The following AXDND1 variants were observed in gnomAD, a reference collection of about 807,000 sequenced individuals.
AXDND1 encodes axonemal dynein light chain domain-containing protein 1.
In AXDND1, 110 loss-of-function variants were observed where a neutral mutation model predicts 137.5. That is an observed-to-expected ratio of 0.80 (90% confidence interval 0.69 to 0.94). The LOEUF is 0.94. Ranked by LOEUF, AXDND1 falls within the 40% of genes least tolerant of loss-of-function variation. AXDND1 has a pLI of 0.00. For missense variants in AXDND1, 1,191 were observed against 1,169.8 expected (o/e 1.02, Z -0.26); for synonymous variants, 414 against 399.7 (o/e 1.04, Z -0.43).
chr1:179,551,262 T>G (rs1488772348), intron 25 of AXDND1: 7 of 1,614,114 alleles, frequency 4.3e-6, no homozygotes, highest in Non-Finnish European at 5.9e-6. Flanking sequence ...TGAGTTCTGT[T>G]GCTGGGAGAA....
rs2125039852 is a variant in AXDND1 at position 179,368,985 on chromosome 1, A to G, written c.270+13A>G. 3.2e-6 allele frequency: 5 copies of G among 1,585,646 alleles called. No individual in the cohort carries two copies. Among genetic ancestry groups the G allele is most frequent in the Non-Finnish European group, 4.3e-6 (5 of 1,160,738 alleles). Reference sequence around the variant, plus strand: ...TAAAACCCCAAAGGTTTGTATGTACATATGTAGAGTAATGGGGAACATTAT... The same window carrying G: ...TAAAACCCCAAAGGTTTGTATGTACGTATGTAGAGTAATGGGGAACATTAT... On this transcript the variant is annotated intron_variant, in intron 3 of 25. Transcript: ENST00000367618.
intron 24 of AXDND1, 23 bp from the exon 25 acceptor site, chr1:179,534,707 T>G (rs770480548): frequency 6.4e-7 from 1 of 1,554,708 alleles, no homozygotes. Context: ...TTCTATTTTG[T>G]TGTGTCTTCT....
chr1:179,419,079 C>T (rs1378994760), intron 12 of AXDND1, among the ~76,000 whole-genome samples: 5 of 151,652 alleles, frequency 3.3e-5, no homozygotes, highest in African/African-American at 1.2e-4. Context: ...AAGAGGCCCC[C>T]CTCACTTCCT....
chr1:179,366,552 T>A lies in AXDND1; in HGVS notation c.43T>A (p.Ser15Thr), dbSNP rs758831558. The A allele has an allele frequency of 1.2e-6, 2 of 1,613,618 alleles. No individual in the cohort carries two copies. The highest frequency in any genetic ancestry group is 2.7e-5 in the African/African-American group (2 of 74,860). Residue 15 changes from serine to threonine, a missense_variant, in exon 2 of 26, where the codon TCA becomes ACA. Coordinates refer to ENST00000367618, the MANE Select transcript of AXDND1 (RefSeq NM_144696.6). The part of the protein sequence containing the change: ...KTPSTPLNST[S>T]TSESKKLKVS... ...GCCCTCCACCCCGCTAAACTCTACATCAACATCTGAGAGCAAAAAGTTAAA... is the reference window on the plus strand; with the variant it reads ...GCCCTCCACCCCGCTAAACTCTACAACAACATCTGAGAGCAAAAAGTTAAA...
In AXDND1 at chr1:179,395,095, C is replaced by T; in HGVS notation, c.1005-3C>T. On this transcript the variant is annotated splice_polypyrimidine_tract_variant and splice_region_variant and intron_variant, in intron 10 of 25. Coordinates refer to ENST00000367618, the MANE Select transcript of AXDND1 (RefSeq NM_144696.6). ...AATTAAAAATTTCTTTGCTTTATTT[C>T]AGGGAACTGTGTCTAGTTCGGGCAC... is the stretch of plus-strand genomic sequence containing the variant. 1 of 1,590,710 alleles carries T rather than the reference C, an allele frequency of 6.3e-7. No homozygotes were observed. Among genetic ancestry groups the T allele is most frequent in the Non-Finnish European group, 8.5e-7 (1 of 1,172,846 alleles).
intron 18 of AXDND1, among the ~76,000 whole-genome samples, chr1:179,485,235 A>G (rs12134114): frequency 0.14 from 21,005 of 152,186 alleles, 1,597 homozygotes; most frequent in East Asian, 0.35. Flanking sequence ...GTAAACAAGC[A>G]CGGATCCCAC....
intron 25 of AXDND1, among the ~76,000 whole-genome samples, chr1:179,540,128 G>A (rs952823443): frequency 3.6e-4 from 54 of 152,076 alleles, no homozygotes; most frequent in Admixed American, 3.1e-3. Context: ...TCCTTGAGAT[G>A]GGTTAGAACA....
At chr1:179,367,130 G>C (rs1667508807) in intron 2 of AXDND1, among the ~76,000 whole-genome samples, 1 of 151,966 alleles carries the variant, frequency 6.6e-6, no homozygotes, top group South Asian at 2.1e-4. Context: ...GCTGAGGCAA[G>C]AGAATCGCTT....
At chr1:179,484,486 T>C (rs1349551251) in intron 18 of AXDND1, among the ~76,000 whole-genome samples, 1 of 152,136 alleles carries the variant, frequency 6.6e-6, no homozygotes, top group Non-Finnish European at 1.5e-5. Flanking sequence ...ACCATGCCTG[T>C]TTGCAGTGCA....
At chr1:179,413,019 G>A (rs1654127185) in intron 12 of AXDND1, among the ~76,000 whole-genome samples, 1 of 151,972 alleles carries the variant, frequency 6.6e-6, no homozygotes, top group Non-Finnish European at 1.5e-5. Context: ...TATATTTTCT[G>A]TGTCAATTGA....
chr1:179,441,092 G>T (rs188131342), intron 15 of AXDND1, among the ~76,000 whole-genome samples: 66 of 152,314 alleles, frequency 4.3e-4, no homozygotes, highest in African/African-American at 1.5e-3. Flanking sequence ...GTTGAGGTCT[G>T]GACTAGGAAT....
At chr1:179,545,977 G>T (rs1672608445) in intron 25 of AXDND1, 1 of 152,182 alleles carries the variant, frequency 6.6e-6, no homozygotes, top group Non-Finnish European at 1.5e-5. Context: ...TGAAGAACTA[G>T]GCTGGGAACA....
At chr1:179,385,453 T>C in intron 9 of AXDND1, 94 bp downstream of exon 9, 1 of 1,399,202 alleles carries the variant, frequency 7.1e-7, no homozygotes, top group South Asian at 1.2e-5. Context: ...AAAAGTGCAC[T>C]TCTCTATTCT....
intron 22 of AXDND1, among the ~76,000 whole-genome samples, 195 bp downstream of exon 22, chr1:179,525,642 A>C: frequency 6.6e-6 from 1 of 152,102 alleles, no homozygotes; most frequent in Non-Finnish European, 1.5e-5. Context: ...GACTACAGGC[A>C]TGCACCACCA....
intron 14 of AXDND1, among the ~76,000 whole-genome samples, chr1:179,431,203 G>A (rs921554638): frequency 6.6e-6 from 1 of 151,968 alleles, no homozygotes; most frequent in Non-Finnish European, 1.5e-5. Context: ...GTGCAGTGGC[G>A]CAATCTTGGC....
At chr1:179,374,617 C>A (rs1352954930) in intron 4 of AXDND1, among the ~76,000 whole-genome samples, 1 of 152,138 alleles carries the variant, frequency 6.6e-6, no homozygotes, top group Non-Finnish European at 1.5e-5. Context: ...AAATGTGGCA[C>A]ATATAAACCA....
At chr1:179,478,626 C>T (rs1439866001) in intron 17 of AXDND1, among the ~76,000 whole-genome samples, 4 of 152,240 alleles carry the variant, frequency 2.6e-5, no homozygotes, top group South Asian at 2.1e-4. Flanking sequence ...CTGCCCCAAA[C>T]GTCTCTGACA....
At chr1:179,483,779 T>A (rs955943732) in intron 18 of AXDND1, among the ~76,000 whole-genome samples, 2 of 152,238 alleles carry the variant, frequency 1.3e-5, no homozygotes, top group Non-Finnish European at 2.9e-5. Flanking sequence ...ACTGCATTAT[T>A]AAAATTAATC....
At chr1:179,419,014 C>G (rs138209416) in intron 12 of AXDND1, among the ~76,000 whole-genome samples, 1 of 150,078 alleles carries the variant, frequency 6.7e-6, no homozygotes, top group African/African-American at 2.5e-5. Context: ...ACATCTCAGA[C>G]GATGGGCGGC....
Sources: allele counts gnomAD v4.1 joint callset (sites outside exome capture counted in the v4.1 genomes callset), GRCh38; gene constraint gnomAD v4.1.1; transcripts MANE v1.5; gene names NCBI Gene and HGNC (gene_info 2026-07-23, HGNC 2026-07-21).